ADGRV1: variants seen among roughly 807,000 people sequenced by gnomAD.
ADGRV1 encodes the protein G-protein coupled receptor 98.
In ADGRV1, 359 loss-of-function variants were observed where a neutral mutation model predicts 596.2. The observed-to-expected ratio is 0.60, with a 90% CI of 0.55 to 0.66. The LOEUF (loss-of-function observed/expected upper bound fraction) is 0.66, where lower values mean the gene tolerates loss of function less well. Ranked by LOEUF, ADGRV1 falls within the 30% of genes least tolerant of loss-of-function variation. ADGRV1 has a pLI of 0.00. For synonymous variants in ADGRV1, 2,681 were observed against 2,679.2 expected (o/e 1.00, Z -0.02); for missense variants, 7,274 against 7,575.6 (o/e 0.96, Z 1.48).
intron 85 of ADGRV1, among the ~76,000 whole-genome samples, chr5:91,017,204 G>A (rs773883769): frequency 2.0e-4 from 31 of 151,916 alleles, no homozygotes; most frequent in Non-Finnish European, 4.1e-4. Context: ...GTGCTGTTCT[G>A]TCTTGCAATA....
At chr5:90,624,364 A>G (rs1165606065) in intron 5 of ADGRV1, among the ~76,000 whole-genome samples, 1 of 152,238 alleles carries the variant, frequency 6.6e-6, no homozygotes, top group African/African-American at 2.4e-5. Context: ...AGGATAAATC[A>G]TCCAGAGTAG....
chr5:90,697,155 CTT>C lies in ADGRV1; in HGVS notation c.8155+15_8155+16del, dbSNP rs751189991. 1.9e-6 allele frequency: 3 copies of C among 1,606,118 alleles called. No individual in the cohort carries two copies. In the African/African-American group the frequency reaches 4.0e-5, roughly 22 times the overall value. On this transcript the variant is annotated intron_variant, in intron 34 of 89. Coordinates refer to ENST00000405460, the MANE Select transcript of ADGRV1 (RefSeq NM_032119.4). Reference sequence around the variant, plus strand: ...TGTCATAGGTCATGAAGGTGGGTTCCTTTTTTTGTTAAGCATATTCATTTTCT... The same window carrying C: ...TGTCATAGGTCATGAAGGTGGGTTCCTTTTTGTTAAGCATATTCATTTTCT...
intron 85 of ADGRV1, among the ~76,000 whole-genome samples, chr5:90,992,035 A>G (rs866237700): frequency 2.0e-5 from 3 of 152,268 alleles, no homozygotes; most frequent in African/African-American, 7.2e-5. Context: ...GCATACAGAA[A>G]CACAAGTACA....
At chr5:90,996,415 G>A (rs545811184) in intron 85 of ADGRV1, among the ~76,000 whole-genome samples, 4 of 152,212 alleles carry the variant, frequency 2.6e-5, no homozygotes, top group African/African-American at 7.2e-5. Flanking sequence ...CTTCCACGTG[G>A]TATTAAGCCT....
chr5:90,625,389 C>T (rs778006304), intron 6 of ADGRV1, 146 bp downstream of exon 6: 1 of 507,758 alleles, frequency 2.0e-6, no homozygotes, highest in Non-Finnish European at 3.5e-6. Context: ...ATTTATCTTA[C>T]TTAATTCACA....
chr5:90,601,448 A>T (rs1761399491), intron 1 of ADGRV1, among the ~76,000 whole-genome samples: 1 of 152,220 alleles, frequency 6.6e-6, no homozygotes, highest in African/African-American at 2.4e-5. Flanking sequence ...AATAAAAAGT[A>T]ACTTGGTTTT....
intron 86 of ADGRV1, among the ~76,000 whole-genome samples, chr5:91,072,967 T>C (rs2151396425): frequency 6.6e-6 from 1 of 152,328 alleles, no homozygotes; most frequent in Non-Finnish European, 1.5e-5. Flanking sequence ...CTGCACAGTT[T>C]AACAAACCTC....
intron 85 of ADGRV1, among the ~76,000 whole-genome samples, chr5:90,997,437 T>A (rs1781512164): frequency 6.6e-6 from 1 of 152,158 alleles, no homozygotes; most frequent in African/African-American, 2.4e-5. Context: ...TCTGCCATGA[T>A]TGTAAGTTTC....
chr5:90,780,917 C>T (rs1758766953), intron 64 of ADGRV1, among the ~76,000 whole-genome samples: 1 of 152,098 alleles, frequency 6.6e-6, no homozygotes, highest in Non-Finnish European at 1.5e-5. Flanking sequence ...CACTATGTTG[C>T]CCAGGTTGGT....
At chr5:90,700,119 A>G (rs1156275672) in intron 34 of ADGRV1, among the ~76,000 whole-genome samples, 3 of 152,192 alleles carry the variant, frequency 2.0e-5, no homozygotes, top group African/African-American at 7.2e-5. Flanking sequence ...TATGCTTTAT[A>G]TTACCATGAA....
At chr5:90,676,276 T>C in intron 25 of ADGRV1, 67 bp downstream of exon 25, 1 of 1,438,144 alleles carries the variant, frequency 7.0e-7, no homozygotes, top group Non-Finnish European at 9.4e-7. Flanking sequence ...AGTAGATTCC[T>C]TTAGGGAAGT....
chr5:90,796,401 A>G (rs1270182639), intron 70 of ADGRV1, among the ~76,000 whole-genome samples: 2 of 152,056 alleles, frequency 1.3e-5, no homozygotes, highest in Non-Finnish European at 2.9e-5. Flanking sequence ...AGCTTAATGA[A>G]GTAAAGCAAG....
intron 84 of ADGRV1, among the ~76,000 whole-genome samples, chr5:90,981,918 CCCA>C (rs1780107473): frequency 6.6e-6 from 1 of 151,806 alleles, no homozygotes; most frequent in African/African-American, 2.4e-5. Context: ...CTTGATTTAA[CCCA>C]CCATCATGAC....
chr5:90,741,741 C>T (rs1056620325), intron 50 of ADGRV1, among the ~76,000 whole-genome samples: 4 of 152,106 alleles, frequency 2.6e-5, no homozygotes, highest in African/African-American at 4.8e-5. Flanking sequence ...GTTTCTGTGA[C>T]TTGAGGCTGT....
intron 21 of ADGRV1, among the ~76,000 whole-genome samples, chr5:90,661,059 T>A (rs1770212031): frequency 6.6e-6 from 1 of 152,200 alleles, no homozygotes; most frequent in Admixed American, 6.5e-5. Context: ...CCAAGTGGGA[T>A]CTGTATTGAA....
intron 83 of ADGRV1, among the ~76,000 whole-genome samples, chr5:90,884,506 A>G (rs1262440365): frequency 6.6e-6 from 1 of 152,074 alleles, no homozygotes; most frequent in Non-Finnish European, 1.5e-5. Flanking sequence ...GAGCTGCTAC[A>G]TTTTTACAGT....
Position 91,032,947 on chromosome 5 carries a change from G to A in ADGRV1, c.18153-39500G>A, listed in dbSNP as rs149992440. 4.1e-3 allele frequency among the ~76,000 whole-genome samples: 629 copies of A among 152,192 alleles called. 4 individuals are homozygous for A. Among genetic ancestry groups the A allele is most frequent in the African/African-American group, 0.014 (577 of 41,532 alleles). ...TGGCCATTTACTTCAGACTTCAAGC[G>A]TCATTCGTTATTTTAGGTAAATCTT... On this transcript the variant is annotated intron_variant, in intron 85 of 89. Transcript: ENST00000405460.
intron 83 of ADGRV1, among the ~76,000 whole-genome samples, chr5:90,902,446 A>G (rs1771933880): frequency 6.6e-6 from 1 of 152,140 alleles, no homozygotes; most frequent in Non-Finnish European, 1.5e-5. Context: ...TCCGTTCTCA[A>G]CCAAGTTACA....
At chr5:90,584,525 T>C (rs543202958) in intron 1 of ADGRV1, among the ~76,000 whole-genome samples, 1 of 151,228 alleles carries the variant, frequency 6.6e-6, no homozygotes, top group East Asian at 2.0e-4. Context: ...GGACCACTTG[T>C]CTCTGCTGTA....
Sources: gnomAD v4.1 joint callset for allele counts (sites outside exome capture counted in the v4.1 genomes callset) on GRCh38, gnomAD v4.1.1 for gene constraint, MANE v1.5 for transcripts, NCBI Gene and HGNC (gene_info 2026-07-23, HGNC 2026-07-21) for gene names.